CNTNAP5: variants seen among roughly 807,000 people sequenced by gnomAD.
CNTNAP5 encodes the protein contactin associated protein family member 5.
In CNTNAP5, 72 loss-of-function variants were observed where a neutral mutation model predicts 150.2. The ratio of observed to expected loss-of-function variants is 0.48; its 90% CI spans 0.40 to 0.58. The LOEUF is 0.58. Among genes scored for constraint, CNTNAP5 ranks in the 20% least tolerant of loss-of-function variants. The pLI is 0.00. For synonymous variants in CNTNAP5, 672 were observed against 619.8 expected, an observed-to-expected ratio of 1.08 and a Z score of -1.25; for missense variants, 1,636 against 1,626.2, an observed-to-expected ratio of 1.01 and a Z score of -0.10.
At chr2:124,266,330 C>T (rs1319486428) in intron 3 of CNTNAP5, among the ~76,000 whole-genome samples, 1 of 152,106 alleles carries the variant, frequency 6.6e-6, no homozygotes, top group African/African-American at 2.4e-5. Context: ...ACTAAATCAA[C>T]ATATTATATT....
intron 5 of CNTNAP5, among the ~76,000 whole-genome samples, chr2:124,439,810 C>G (rs1692630298): frequency 6.6e-6 from 1 of 152,104 alleles, no homozygotes; most frequent in Non-Finnish European, 1.5e-5. Flanking sequence ...TAAAACTTTT[C>G]TTCTTATTCT....
intron 12 of CNTNAP5, among the ~76,000 whole-genome samples, chr2:124,610,593 A>G (rs929978452): frequency 6.6e-6 from 1 of 152,178 alleles, no homozygotes; most frequent in African/African-American, 2.4e-5. Context: ...GGGCTTAGAA[A>G]TGACATATGA....
chr2:124,297,702 T>A (rs770501861), intron 3 of CNTNAP5, among the ~76,000 whole-genome samples: 9 of 152,018 alleles, frequency 5.9e-5, no homozygotes, highest in African/African-American at 1.2e-4. Flanking sequence ...ATGATTTCAA[T>A]AAAGGTTTCA....
chr2:124,824,464 C>A (rs1008595947), intron 19 of CNTNAP5, among the ~76,000 whole-genome samples: 1 of 152,082 alleles, frequency 6.6e-6, no homozygotes, highest in Non-Finnish European at 1.5e-5. Context: ...TTTAATCCAT[C>A]GTGTCCATGG....
chr2:124,238,352 G>A (rs2104762041), intron 2 of CNTNAP5, among the ~76,000 whole-genome samples: 1 of 152,190 alleles, frequency 6.6e-6, no homozygotes, highest in African/African-American at 2.4e-5. Flanking sequence ...CAGGAACAGA[G>A]CTGGGTCTTG....
chr2:124,694,906 T>A (rs1679373415), intron 13 of CNTNAP5, among the ~76,000 whole-genome samples: 1 of 152,164 alleles, frequency 6.6e-6, no homozygotes. Flanking sequence ...AGGCATATGC[T>A]AAAGCTTTGC....
At chr2:124,710,441 A>AT (rs997834723) in intron 13 of CNTNAP5, among the ~76,000 whole-genome samples, 1 of 151,968 alleles carries the variant, frequency 6.6e-6, no homozygotes. Flanking sequence ...AAACCAATAG[A>AT]TTTTCTCTAT....
Position 124,493,807 on chromosome 2 carries a change from T to G in CNTNAP5, c.1063-10485T>G, listed in dbSNP as rs192871361. On this transcript the variant is annotated intron_variant, in intron 7 of 23. Coordinates refer to ENST00000682447, the MANE Select transcript of CNTNAP5 (RefSeq NM_001367498.1). ...CACTTGCTATTTGTTCTATTTTTAC[T>G]CAAGAACAAAGGTACTCATATTTTC... Among the ~76,000 whole-genome samples, 8 of 152,192 alleles carry G rather than the reference T, an allele frequency of 5.3e-5. No individual in the cohort carries two copies. In the East Asian group the frequency reaches 1.6e-3, roughly 30 times the overall value.
chr2:124,761,932 G>A (rs918673433), intron 14 of CNTNAP5, among the ~76,000 whole-genome samples: 3 of 152,060 alleles, frequency 2.0e-5, no homozygotes, highest in African/African-American at 7.2e-5. Context: ...AAAGGCAGTC[G>A]TTGGCATTGA....
Position 124,901,792 on chromosome 2 carries a change from T to C in CNTNAP5, c.3437-1090T>C, listed in dbSNP as rs140129969. 5.0e-3 allele frequency among the ~76,000 whole-genome samples: 764 copies of C among 152,148 alleles called. 5 individuals are homozygous for C. The highest frequency in any genetic ancestry group is 0.016 in the African/African-American group (670 of 41,508). ...AAGTTGGCTCAGTTTACATGGGTGT[T>C]GATGGAGGAGAGTAAAATTAGAGCA... On this transcript the variant is annotated intron_variant, in intron 21 of 23. Transcript: ENST00000682447.
chr2:124,823,628 A>ACTCTTT (rs1428199280), intron 19 of CNTNAP5, among the ~76,000 whole-genome samples: 13 of 152,116 alleles, frequency 8.5e-5, no homozygotes, highest in Non-Finnish European at 1.8e-4. Context: ...TATCACACTA[A>ACTCTTT]AGAGTTGTAC....
rs141607138 is a variant in CNTNAP5, at chr2:124,078,857, G to A, written c.82+53125G>A. 3.9e-5 allele frequency among the ~76,000 whole-genome samples: 6 copies of A among 152,322 alleles called. No homozygotes were observed. The East Asian group carries it at 1.2e-3, about 29-fold the overall frequency. On this transcript the variant is annotated intron_variant, in intron 1 of 23. Coordinates refer to ENST00000682447, the MANE Select transcript of CNTNAP5 (RefSeq NM_001367498.1). ...TCAATATATGGGGCATGGCCGAGCAGATTCTGAAGGCAACAGGGACTCAGT... is the reference window on the plus strand; with the variant it reads ...TCAATATATGGGGCATGGCCGAGCAAATTCTGAAGGCAACAGGGACTCAGT...
At chr2:124,241,598 CTT>C (rs1391265733) in intron 2 of CNTNAP5, among the ~76,000 whole-genome samples, 1 of 152,124 alleles carries the variant, frequency 6.6e-6, no homozygotes, top group Non-Finnish European at 1.5e-5. Flanking sequence ...CTCTCTCTCT[CTT>C]CAGCACCCAG....
chr2:124,225,738 A>G (rs1686441579), intron 2 of CNTNAP5, among the ~76,000 whole-genome samples: 1 of 152,180 alleles, frequency 6.6e-6, no homozygotes, highest in African/African-American at 2.4e-5. Flanking sequence ...TATTCATATT[A>G]GAAGTGCAAG....
chr2:124,359,586 T>G (rs2104712796), intron 3 of CNTNAP5, among the ~76,000 whole-genome samples: 1 of 140,476 alleles, frequency 7.1e-6, no homozygotes, highest in South Asian at 2.5e-4. Context: ...CAGGAGCAGG[T>G]TGTTCAGTTT....
At chr2:124,817,572 G>GAGAGGC (rs1682391756) in intron 19 of CNTNAP5, among the ~76,000 whole-genome samples, 1 of 152,162 alleles carries the variant, frequency 6.6e-6, no homozygotes, top group Non-Finnish European at 1.5e-5. Context: ...GTTGTATAAA[G>GAGAGGC]TCTTGAGAGG....
chr2:124,090,987 A>G (rs1682800578), intron 1 of CNTNAP5, among the ~76,000 whole-genome samples: 1 of 152,250 alleles, frequency 6.6e-6, no homozygotes, highest in Middle Eastern at 3.2e-3. Flanking sequence ...GAAAAAGAGT[A>G]AGAATGAGAC....
chr2:124,705,129 C>T (rs1042796778), intron 13 of CNTNAP5, among the ~76,000 whole-genome samples: 1 of 152,054 alleles, frequency 6.6e-6, no homozygotes, highest in African/African-American at 2.4e-5. Context: ...ATTACACACA[C>T]ACTTTTTTTA....
intron 3 of CNTNAP5, among the ~76,000 whole-genome samples, chr2:124,380,923 T>C (rs977694207): frequency 1.3e-5 from 2 of 152,096 alleles, no homozygotes; most frequent in African/African-American, 2.4e-5. Context: ...AAGCTACTAG[T>C]TAATATAATA....
Sources: gnomAD v4.1 joint callset for allele counts (sites outside exome capture counted in the v4.1 genomes callset) on GRCh38, gnomAD v4.1.1 for gene constraint, MANE v1.5 for transcripts, NCBI Gene and HGNC (gene_info 2026-07-23, HGNC 2026-07-21) for gene names.